TRAPPC8: variants seen among roughly 807,000 people sequenced by gnomAD.
The protein encoded by TRAPPC8 is trafficking protein particle complex subunit 8.
Under a neutral mutation model 174.3 loss-of-function variants are expected in TRAPPC8, and 54 were observed. That is an observed-to-expected ratio of 0.31 (90% CI 0.25 to 0.39). The LOEUF (loss-of-function observed/expected upper bound fraction) is 0.39, where lower values mean the gene tolerates loss of function less well. Among genes scored for constraint, TRAPPC8 ranks in the 10% least tolerant of loss-of-function variants. The pLI, the probability that TRAPPC8 is intolerant of heterozygous loss-of-function variation, is 1.00. For synonymous variants in TRAPPC8, 630 were observed against 579.9 expected (o/e 1.09, Z -1.24); for missense variants, 1,531 against 1,699.1 (o/e 0.90, Z 1.74).
At chr18:31,884,783 G>A (rs988259370) in intron 12 of TRAPPC8, among the ~76,000 whole-genome samples, 1 of 151,954 alleles carries the variant, frequency 6.6e-6, no homozygotes, top group Non-Finnish European at 1.5e-5. Context: ...AAGGTGGGAT[G>A]ATCTCTTGAA....
chr18:31,893,646 A>G (rs1178962385), intron 11 of TRAPPC8, among the ~76,000 whole-genome samples: 2 of 152,104 alleles, frequency 1.3e-5, no homozygotes, highest in South Asian at 2.1e-4. Context: ...TTATCACTGT[A>G]TAGAGTTTTA....
Position 31,855,744 on chromosome 18 carries a change from A to G in TRAPPC8, c.3252T>C (p.Thr1084=), listed in dbSNP as rs754994724. The part of the protein sequence containing the change: ...CTSRSLNVRA[T]VCRSNSLENE... ...TTTCAAGAGAATTACTTCTGCAGAC[A>G]GTGGCCCGTACATTTAAAGACCGAC... Residue 1084 remains threonine (T), a synonymous_variant, in exon 21 of 29, where the codon ACT becomes ACC. Coordinates refer to ENST00000283351, the MANE Select transcript of TRAPPC8 (RefSeq NM_014939.5). 6.2e-7 allele frequency: 1 copy of G among 1,612,428 alleles called. No homozygotes were observed. The highest frequency in any genetic ancestry group is 8.5e-7 in the Non-Finnish European group (1 of 1,179,656).
chr18:31,914,843 T>C (rs2037063886), intron 4 of TRAPPC8, among the ~76,000 whole-genome samples: 1 of 152,226 alleles, frequency 6.6e-6, no homozygotes, highest in South Asian at 2.1e-4. Flanking sequence ...TCTATTCACA[T>C]ATCCCAAATA....
At chr18:31,867,497 A>AT (rs1568064465) in intron 16 of TRAPPC8, 21 bp from the exon 17 acceptor site, 1 of 1,497,978 alleles carries the variant, frequency 6.7e-7, no homozygotes, top group South Asian at 1.1e-5. Context: ...AATTTCATAA[A>AT]TTATACATTC....
Position 31,913,499 on chromosome 18 carries a change from A to G in TRAPPC8, c.641T>C (p.Met214Thr). ...ACCCTGAGTTCCATATTTCTGTTTC[A>G]TTTCTTCATAAATTGATTCAGCTCT... The part of the protein sequence containing the change: ...EQRAESIYEE[M>T]KQKYGTQGCY... The change falls in exon 5 of 29, where the codon ATG becomes ACG. Residue 214 changes from methionine to threonine, a missense_variant. Physicochemically the swap from Met to Thr is moderately conservative, Grantham distance 81. Coordinates refer to ENST00000283351, the MANE Select transcript of TRAPPC8 (RefSeq NM_014939.5). The G allele has an allele frequency of 6.3e-7, 1 of 1,595,814 alleles. No individual in the cohort carries two copies.
intron 12 of TRAPPC8, among the ~76,000 whole-genome samples, chr18:31,879,451 C>A (rs780835487): frequency 1.3e-5 from 2 of 152,056 alleles, no homozygotes; most frequent in Non-Finnish European, 2.9e-5. Flanking sequence ...CACAACATAT[C>A]AATACCTCTT....
At chr18:31,913,127 C>CAA (rs879272748) in intron 5 of TRAPPC8, among the ~76,000 whole-genome samples, 3 of 123,406 alleles carry the variant, frequency 2.4e-5, no homozygotes, top group Non-Finnish European at 3.5e-5. Context: ...GACTCTGTCT[C>CAA]AAAAAAAAAA....
intron 26 of TRAPPC8, among the ~76,000 whole-genome samples, chr18:31,840,814 G>A (rs978690869): frequency 2.0e-5 from 3 of 151,802 alleles, no homozygotes; most frequent in Non-Finnish European, 4.4e-5. Context: ...TAAATTTGCT[G>A]GAAATAAAAT....
At chr18:31,916,766 T>G (rs2037166523) in intron 3 of TRAPPC8, among the ~76,000 whole-genome samples, 1 of 147,062 alleles carries the variant, frequency 6.8e-6, no homozygotes, top group Non-Finnish European at 1.5e-5. Flanking sequence ...ACTCCTGACC[T>G]CAGGTAACCC....
intron 2 of TRAPPC8, among the ~76,000 whole-genome samples, chr18:31,922,468 G>GT (rs2145577618): frequency 6.6e-6 from 1 of 152,094 alleles, no homozygotes; most frequent in African/African-American, 2.4e-5. Context: ...ACATGAGGCT[G>GT]TAGCGCTGGC....
intron 26 of TRAPPC8, among the ~76,000 whole-genome samples, chr18:31,842,631 C>T (rs2033170624): frequency 6.6e-6 from 1 of 152,142 alleles, no homozygotes; most frequent in African/African-American, 2.4e-5. Flanking sequence ...CAGTTTCTTT[C>T]TTTACTTATA....
Position 31,854,700 on chromosome 18 carries a change from G to A in TRAPPC8, c.3337-755C>T, listed in dbSNP as rs185879105. 2.5e-3 allele frequency among the ~76,000 whole-genome samples: 387 copies of A among 152,198 alleles called. 4 individuals carry two copies. Among genetic ancestry groups the A allele is most frequent in the African/African-American group, 8.6e-3 (357 of 41,528 alleles). ...ATACTCATTTTTGGCCGAGCACGGT[G>A]GCTCACGCCTGTAATCCCAGCACTT... is the stretch of plus-strand genomic sequence containing the variant. On this transcript the variant is annotated intron_variant, in intron 21 of 28. Transcript: ENST00000283351.
At chr18:31,844,209 G>A (rs2033262579) in intron 26 of TRAPPC8, among the ~76,000 whole-genome samples, 1 of 152,116 alleles carries the variant, frequency 6.6e-6, no homozygotes, top group African/African-American at 2.4e-5. Context: ...CAAACAATAT[G>A]GATAAATTTC....
chr18:31,909,232 C>T (rs12606882), intron 6 of TRAPPC8, among the ~76,000 whole-genome samples: 54,150 of 151,528 alleles, frequency 0.36, 10,180 homozygotes, highest in South Asian at 0.57. Context: ...ATTTGAAAAT[C>T]GGTATAAACC....
chr18:31,864,862 T>C, intron 18 of TRAPPC8, 81 bp from the exon 19 acceptor site: 1 of 1,211,274 alleles, frequency 8.3e-7, no homozygotes, highest in Non-Finnish European at 1.1e-6. Flanking sequence ...GTGAATATTG[T>C]AAGTTTCAGA....
rs771261319 is a variant in TRAPPC8, at chr18:31,916,400, A to G, written c.489T>C (p.Phe163=). Residue 163 remains phenylalanine, a synonymous_variant, in exon 4 of 29, where the codon TTT becomes TTC. Transcript: ENST00000283351. ...GATGCTGTTCTTGTGACAACTTTGAAAACTGTTCCACAGGTTCAGCTTCAC... is the reference window on the plus strand; with the variant it reads ...GATGCTGTTCTTGTGACAACTTTGAGAACTGTTCCACAGGTTCAGCTTCAC... ...SSSEAEPVEQ[F]SKLSQEQHRI... 1.9e-6 allele frequency: 3 copies of G among 1,613,762 alleles called. No individual in the cohort carries two copies. Among genetic ancestry groups the G allele is most frequent in the Non-Finnish European group, 2.5e-6 (3 of 1,179,874 alleles).
At chr18:31,899,129 T>C (rs1374934547) in intron 10 of TRAPPC8, among the ~76,000 whole-genome samples, 3 of 152,338 alleles carry the variant, frequency 2.0e-5, no homozygotes, top group Admixed American at 6.5e-5. Flanking sequence ...CTAACTCCTA[T>C]ATACTAGCAA....
At chr18:31,929,630 C>T (rs1190607534) in intron 2 of TRAPPC8, among the ~76,000 whole-genome samples, 2 of 152,014 alleles carry the variant, frequency 1.3e-5, no homozygotes, top group African/African-American at 4.8e-5. Context: ...AGCACCACTG[C>T]ACTCCAGCCT....
chr18:31,921,076 AAG>A (rs2037367844), intron 2 of TRAPPC8, among the ~76,000 whole-genome samples: 1 of 152,130 alleles, frequency 6.6e-6, no homozygotes, highest in Non-Finnish European at 1.5e-5. Flanking sequence ...CTGTAAAAGA[AAG>A]GGGAAAAATC....
Sources: allele counts gnomAD v4.1 joint callset (sites outside exome capture counted in the v4.1 genomes callset), GRCh38; gene constraint gnomAD v4.1.1; transcripts MANE v1.5; gene names NCBI Gene and HGNC (gene_info 2026-07-23, HGNC 2026-07-21).